Variants in ATG4C observed in about 807,000 individuals in gnomAD.
The protein encoded by ATG4C is cysteine protease ATG4C.
ATG4C carries 56 observed loss-of-function variants against 57.6 expected under a neutral mutation model. The observed-to-expected ratio is 0.97, with a 90% CI of 0.78 to 1.21. The LOEUF is 1.21. ATG4C is among the 50% of genes most tolerant of loss of function. The probability of loss-of-function intolerance (pLI) is 0.00; values close to 1 mark genes in which losing one functional copy is unlikely to be tolerated. For missense variants in ATG4C, 595 were observed against 529.8 expected (o/e 1.12, Z -1.21); for synonymous variants, 157 against 174.1 (o/e 0.90, Z 0.78).
Position 62,819,148 on chromosome 1 carries a change from GAA to G in ATG4C, c.540_541del (p.Glu180AspfsTer7). 1 of 1,613,216 alleles carries G rather than the reference GAA, an allele frequency of 6.2e-7. No individual in the cohort carries two copies. Among genetic ancestry groups the G allele is most frequent in the Non-Finnish European group, 8.5e-7 (1 of 1,179,602 alleles). On this transcript the variant is annotated frameshift_variant, in exon 5 of 11. Transcript: ENST00000317868. LOFTEE classifies it high-confidence loss of function. Reference sequence around the variant, plus strand: ...CAAAACCCCAACAATTTCTCTGAAGGAAACAATTGGGAAATATTCTGATGATC... The same window carrying G: ...CAAAACCCCAACAATTTCTCTGAAGGACAATTGGGAAATATTCTGATGATC... ...EFKTPTISLK[E>X]TIGKYSDDHE...
intron 6 of ATG4C, among the ~76,000 whole-genome samples, chr1:62,821,896 G>A (rs1469699932): frequency 6.6e-6 from 1 of 152,056 alleles, no homozygotes; most frequent in Non-Finnish European, 1.5e-5. Context: ...TTATGCATGA[G>A]ACCAAGTTTT....
intron 4 of ATG4C, 50 bp downstream of exon 4, chr1:62,816,858 C>T (rs1396848563): frequency 4.5e-6 from 6 of 1,344,110 alleles, no homozygotes; most frequent in Admixed American, 2.9e-5. Flanking sequence ...TTTTTGTCGT[C>T]GATATTTTTC....
intron 3 of ATG4C, among the ~76,000 whole-genome samples, chr1:62,813,141 C>CA (rs1448774857): frequency 6.6e-6 from 1 of 152,066 alleles, no homozygotes. Context: ...CATATGGAAC[C>CA]AAAAAAGAGC....
At chr1:62,789,277 G>A (rs879587956) in intron 1 of ATG4C, among the ~76,000 whole-genome samples, 62 of 151,986 alleles carry the variant, frequency 4.1e-4, no homozygotes, top group Non-Finnish European at 8.8e-5. Context: ...TATGCAGTGC[G>A]TTATAATTTG....
chr1:62,835,385 G>T, intron 9 of ATG4C: 2 of 353,672 alleles, frequency 5.7e-6, no homozygotes, highest in Non-Finnish European at 1.1e-5. Context: ...CCTTTATACA[G>T]GTCATTTTGT....
chr1:62,809,113 A>G (rs1664979726), intron 3 of ATG4C, among the ~76,000 whole-genome samples: 2 of 151,508 alleles, frequency 1.3e-5, no homozygotes, highest in African/African-American at 4.9e-5. Context: ...TTTTATTTTT[A>G]TTTTTTGTAG....
chr1:62,808,859 A>G (rs1012006358), intron 3 of ATG4C, among the ~76,000 whole-genome samples: 1 of 152,230 alleles, frequency 6.6e-6, no homozygotes, highest in African/African-American at 2.4e-5. Context: ...TGCTGTGGCT[A>G]CATGATATGT....
In ATG4C at chr1:62,864,090, A is replaced by C; in HGVS notation, c.1308A>C (p.Glu436Asp). Reference sequence around the variant, plus strand: ...TTACATCTACTACAACCAATGAAGAAGACCTTTTTTCAGAGGATGAAAAGA... The same window carrying C: ...TTACATCTACTACAACCAATGAAGACGACCTTTTTTCAGAGGATGAAAAGA... ...YDFTSTTTNE[E>D]DLFSEDEKKQ... is the part of the protein sequence containing the mutation. The change falls in exon 11 of 11, where the codon GAA becomes GAC. Residue 436 changes from glutamate (E) to aspartate (D), a missense_variant. By Grantham distance (45) the Glu-to-Asp change is conservative. Transcript: ENST00000317868. 6.2e-7 allele frequency: 1 copy of C among 1,608,294 alleles called. No individual in the cohort carries two copies. The highest frequency in any genetic ancestry group is 1.3e-5 in the African/African-American group (1 of 74,718).
At chr1:62,859,497 G>A (rs747481139) in intron 10 of ATG4C, among the ~76,000 whole-genome samples, 2 of 152,164 alleles carry the variant, frequency 1.3e-5, no homozygotes, top group African/African-American at 4.8e-5. Context: ...TGGTGTACCT[G>A]TGTAGGGAAT....
At position 62,817,713 on chromosome 1, in the gene ATG4C, TTACA is replaced by T. The variant is rs750776347; in HGVS notation, c.394+908_394+911del. Among the ~76,000 whole-genome samples the T allele has an allele frequency of 4.3e-4, 66 of 152,326 alleles. 1 individual carries two copies. Among genetic ancestry groups the T allele is most frequent in the Non-Finnish European group, 6.9e-4 (47 of 68,028 alleles). ...CTAAAAAATGTCATTGATACTTAAC[TTACA>T]TATATATGTTTTTCCTAATGTGCCA... On this transcript the variant is annotated intron_variant, in intron 4 of 10. Coordinates refer to ENST00000317868, the MANE Select transcript of ATG4C (RefSeq NM_032852.4).
chr1:62,799,610 C>T (rs1343650538), intron 1 of ATG4C, among the ~76,000 whole-genome samples: 7 of 152,072 alleles, frequency 4.6e-5, no homozygotes, highest in Non-Finnish European at 1.0e-4. Context: ...TCTATCACAG[C>T]ATCTTAATTT....
intron 10 of ATG4C, among the ~76,000 whole-genome samples, chr1:62,846,966 C>G (rs1666343118): frequency 6.6e-6 from 1 of 152,126 alleles, no homozygotes; most frequent in African/African-American, 2.4e-5. Context: ...CACCTGAGGT[C>G]AGGAGTTCAA....
At chr1:62,785,000 G>C (rs1664036264) in intron 1 of ATG4C, among the ~76,000 whole-genome samples, 1 of 152,100 alleles carries the variant, frequency 6.6e-6, no homozygotes, top group Non-Finnish European at 1.5e-5. Context: ...TTTTGTATTG[G>C]TTATTTACCC....
chr1:62,834,939 C>G, intron 9 of ATG4C, 87 bp downstream of exon 9: 3 of 1,094,946 alleles, frequency 2.7e-6, no homozygotes, highest in Non-Finnish European at 4.1e-6. Flanking sequence ...TATGCTTTTA[C>G]GGTATTATAA....
At chr1:62,806,199 C>T (rs1664874537) in intron 3 of ATG4C, among the ~76,000 whole-genome samples, 1 of 152,052 alleles carries the variant, frequency 6.6e-6, no homozygotes, top group Non-Finnish European at 1.5e-5. Context: ...AGAAGGAATG[C>T]ATTTTAGGTA....
intron 2 of ATG4C, among the ~76,000 whole-genome samples, 172 bp from the exon 3 acceptor site, chr1:62,805,000 T>G (rs1021041125): frequency 2.0e-5 from 3 of 152,190 alleles, no homozygotes; most frequent in African/African-American, 7.2e-5. Context: ...ATAAATTGCC[T>G]TTATTTCCAG....
At chr1:62,848,388 A>G (rs941373085) in intron 10 of ATG4C, among the ~76,000 whole-genome samples, 3 of 151,780 alleles carry the variant, frequency 2.0e-5, no homozygotes, top group Non-Finnish European at 4.4e-5. Flanking sequence ...GATGCCCTTC[A>G]TTTTTTTCCT....
intron 10 of ATG4C, among the ~76,000 whole-genome samples, chr1:62,853,590 G>C (rs898341015): frequency 1.3e-5 from 2 of 152,074 alleles, no homozygotes; most frequent in Non-Finnish European, 2.9e-5. Flanking sequence ...GGGACCACAG[G>C]TGTGTACCAC....
intron 7 of ATG4C, among the ~76,000 whole-genome samples, chr1:62,832,462 A>G (rs1182610194): frequency 6.6e-6 from 1 of 152,212 alleles, no homozygotes; most frequent in Non-Finnish European, 1.5e-5. Context: ...GGAAGACAGA[A>G]GGGCCGAAAG....
Sources: gnomAD v4.1 joint callset for allele counts (sites outside exome capture counted in the v4.1 genomes callset) on GRCh38, gnomAD v4.1.1 for gene constraint, MANE v1.5 for transcripts, NCBI Gene and HGNC (gene_info 2026-07-23, HGNC 2026-07-21) for gene names.